Variants in ATE1 observed in about 807,000 individuals in gnomAD.
ATE1 encodes the protein arginyltransferase 1.
In ATE1, 36 loss-of-function variants were observed where a neutral mutation model predicts 70.5. The observed-to-expected ratio is 0.51, with a 90% confidence interval of 0.39 to 0.67. The LOEUF (loss-of-function observed/expected upper bound fraction) is 0.67. Among genes scored for constraint, ATE1 ranks in the 30% least tolerant of loss-of-function variants. The pLI, the probability that ATE1 is intolerant of heterozygous loss-of-function variation, is 0.00. For synonymous variants in ATE1, 232 were observed against 219.3 expected (o/e 1.06, Z -0.51); for missense variants, 593 against 629.5 (o/e 0.94, Z 0.62).
At position 121,743,790 on chromosome 10, in the gene ATE1, C is replaced by A; in HGVS notation, c.1447G>T (p.Gly483Cys). 6.2e-7 allele frequency: 1 copy of A among 1,614,106 alleles called. No homozygotes were observed. The highest frequency in any genetic ancestry group is 8.5e-7 in the Non-Finnish European group (1 of 1,180,020). The change falls in exon 12 of 12, where the codon GGT becomes TGT. Residue 483 changes from glycine to cysteine, a missense_variant. Physicochemically the swap from Gly to Cys is radical, Grantham distance 159. This residue lies in a region of ATE1 where 90 missense variants were observed against 93.7 expected (regional missense o/e 0.96). Transcript: ENST00000224652. Reference sequence around the variant, plus strand: ...TCTTTCTGCTGTTTCTTATAAACACCGTAAGGCATGATGGCTCTCTTGTGA... The same window carrying A: ...TCTTTCTGCTGTTTCTTATAAACACAGTAAGGCATGATGGCTCTCTTGTGA... ...VFHKRAIMPYGVYKKQQKDPS... is the reference protein window; with the variant it reads ...VFHKRAIMPYCVYKKQQKDPS...
At chr10:121,829,238 C>T (rs754729026) in intron 10 of ATE1, among the ~76,000 whole-genome samples, 1 of 152,088 alleles carries the variant, frequency 6.6e-6, no homozygotes, top group Admixed American at 6.5e-5. Flanking sequence ...TCCTGGCCAA[C>T]ATAGTAAAAC....
chr10:121,885,567 C>CAAAAAA (rs397826119), intron 7 of ATE1, among the ~76,000 whole-genome samples: 3 of 96,044 alleles, frequency 3.1e-5, no homozygotes, highest in African/African-American at 8.4e-5. Context: ...GACTCCGTCT[C>CAAAAAA]AAAAAAAAAA....
intron 8 of ATE1, among the ~76,000 whole-genome samples, chr10:121,846,171 G>A (rs1173937721): frequency 6.6e-6 from 1 of 151,018 alleles, no homozygotes; most frequent in East Asian, 1.9e-4. Flanking sequence ...CATTGAGGGG[G>A]TATACCAATG....
At chr10:121,894,418 C>A (rs1950696890) in intron 7 of ATE1, among the ~76,000 whole-genome samples, 1 of 152,070 alleles carries the variant, frequency 6.6e-6, no homozygotes, top group Non-Finnish European at 1.5e-5. Context: ...ATGTGTCATG[C>A]AAACAAGAAT....
At chr10:121,832,755 G>A (rs962982997) in intron 10 of ATE1, among the ~76,000 whole-genome samples, 8 of 152,116 alleles carry the variant, frequency 5.3e-5, no homozygotes, top group Admixed American at 2.0e-4. Context: ...TATCAGCAGC[G>A]TGAAAACGGA....
chr10:121,859,874 G>A (rs997406328), intron 8 of ATE1, among the ~76,000 whole-genome samples: 3 of 152,112 alleles, frequency 2.0e-5, no homozygotes, highest in Admixed American at 6.5e-5. Context: ...CCTGGGAGGC[G>A]GAGGTTGCAG....
intron 5 of ATE1, among the ~76,000 whole-genome samples, chr10:121,905,269 T>C (rs1951144675): frequency 6.6e-6 from 1 of 152,324 alleles, no homozygotes; most frequent in Middle Eastern, 3.4e-3. Context: ...TTATTTGTAT[T>C]ACCAACATCT....
In ATE1 at chr10:121,913,892, A is replaced by C; in HGVS notation, c.235T>G (p.Cys79Gly). ...GAAGGCTGAAATTGTAAAGGTCGGC[A>C]CCTAGGAAAGCAAAATAAATATTTA... ...QTCCPQYTIR[C>G]RPLQFQPSKS... The change falls in exon 4 of 12, where the codon TGC becomes GGC. Residue 79 changes from cysteine (C) to glycine (G), a missense_variant and splice_region_variant. Cys to Gly is a radical substitution (Grantham distance 159). Transcript: ENST00000224652. 6.2e-7 allele frequency: 1 copy of C among 1,603,382 alleles called. No individual in the cohort carries two copies. Among genetic ancestry groups the C allele is most frequent in the South Asian group, 1.1e-5 (1 of 89,426 alleles).
chr10:121,814,173 AC>A (rs1947443022), intron 10 of ATE1, among the ~76,000 whole-genome samples: 1 of 152,196 alleles, frequency 6.6e-6, no homozygotes, highest in Non-Finnish European at 1.5e-5. Flanking sequence ...CTCTCAATTG[AC>A]TAAATAATGT....
chr10:121,813,864 C>A (rs1947424805), intron 10 of ATE1, among the ~76,000 whole-genome samples: 1 of 152,136 alleles, frequency 6.6e-6, no homozygotes, highest in African/African-American at 2.4e-5. Context: ...CCTTTGAAAA[C>A]CAGAAGAAAG....
intron 10 of ATE1, among the ~76,000 whole-genome samples, chr10:121,806,814 T>G (rs1412051373): frequency 1.3e-5 from 2 of 152,214 alleles, no homozygotes; most frequent in African/African-American, 4.8e-5. Context: ...ACTGGTGACT[T>G]CAGGTGAACG....
intron 10 of ATE1, among the ~76,000 whole-genome samples, chr10:121,814,029 C>T (rs764844305): frequency 3.4e-4 from 51 of 152,160 alleles, no homozygotes; most frequent in Non-Finnish European, 4.1e-4. Context: ...GTGGGCATGG[C>T]GGACATCTGA....
At chr10:121,808,790 T>C (rs1348453824) in intron 10 of ATE1, among the ~76,000 whole-genome samples, 3 of 152,244 alleles carry the variant, frequency 2.0e-5, no homozygotes, top group African/African-American at 7.2e-5. Context: ...AGCCTTTTCA[T>C]GTAACTGTGA....
At chr10:121,928,327 CCGG>C (rs1952190896), upstream of ATE1, 1 of 1,516,014 alleles carries the variant, frequency 6.6e-7, no homozygotes, top group Non-Finnish European at 8.8e-7. Flanking sequence ...CGCGCCAACT[CCGG>C]CGTCGGGAAC....
At chr10:121,764,991 G>A (rs545589723) in intron 11 of ATE1, among the ~76,000 whole-genome samples, 28 of 152,224 alleles carry the variant, frequency 1.8e-4, no homozygotes, top group Non-Finnish European at 3.5e-4. Flanking sequence ...TCCAAGTAGT[G>A]CCACTTTTTT....
chr10:121,850,698 G>A (rs1039402859), intron 8 of ATE1, among the ~76,000 whole-genome samples: 2 of 152,130 alleles, frequency 1.3e-5, no homozygotes, highest in African/African-American at 2.4e-5. Flanking sequence ...AAACTGAGCA[G>A]GTTATAGGAT....
intron 4 of ATE1, among the ~76,000 whole-genome samples, chr10:121,913,364 AAC>A (rs1281629851): frequency 6.6e-6 from 1 of 152,356 alleles, no homozygotes; most frequent in Non-Finnish European, 1.5e-5. Context: ...GCCTTATTCA[AAC>A]ACAGAAAAGC....
chr10:121,883,150 C>A (rs755082867), intron 7 of ATE1, among the ~76,000 whole-genome samples: 1 of 152,094 alleles, frequency 6.6e-6, no homozygotes, highest in Admixed American at 6.6e-5. Flanking sequence ...ATCGATACTT[C>A]CAACCCTCCT....
At chr10:121,917,521 G>C (rs1478063393) in intron 3 of ATE1, among the ~76,000 whole-genome samples, 2 of 152,120 alleles carry the variant, frequency 1.3e-5, no homozygotes, top group Non-Finnish European at 2.9e-5. Context: ...CTTCTGAATG[G>C]AAAGCTAGGG....
Sources: gnomAD v4.1 joint callset for allele counts (sites outside exome capture counted in the v4.1 genomes callset) on GRCh38, gnomAD v4.1.1 for gene constraint, gnomAD v4.1.1 regional missense constraint, MANE v1.5 for transcripts, NCBI Gene and HGNC (gene_info 2026-07-23, HGNC 2026-07-21) for gene names.